The following BRWD1 variants were observed in gnomAD, a reference collection of about 807,000 sequenced individuals.
BRWD1 encodes bromodomain and WD repeat-containing protein 1.
In BRWD1, 82 loss-of-function variants were observed where a neutral mutation model predicts 251.2. That is an observed-to-expected ratio of 0.33 (90% CI 0.27 to 0.39). BRWD1 has a LOEUF of 0.39. Among genes scored for constraint, BRWD1 ranks in the 10% least tolerant of loss-of-function variants. The probability of loss-of-function intolerance (pLI) is 1.00; values close to 1 mark genes in which losing one functional copy is unlikely to be tolerated. For missense variants in BRWD1, 2,233 were observed against 2,711.6 expected, an observed-to-expected ratio of 0.82 and a Z score of 3.92; for synonymous variants, 918 against 902.8, an observed-to-expected ratio of 1.02 and a Z score of -0.30.
chr21:39,308,889 G>A (rs1426957461), intron 4 of BRWD1, among the ~76,000 whole-genome samples: 1 of 152,106 alleles, frequency 6.6e-6, no homozygotes, highest in Non-Finnish European at 1.5e-5. Flanking sequence ...GATAATCAGG[G>A]AAGGGGCAGG....
chr21:39,315,213 A>T (rs980218165), upstream of BRWD1, among the ~76,000 whole-genome samples: 18 of 150,794 alleles, frequency 1.2e-4, no homozygotes, highest in Non-Finnish European at 7.4e-5. Context: ...CATGTTGGCC[A>T]GGCTGGTCTC....
At chr21:39,248,641 CAAAAAAAAAAA>C (rs375430016) in intron 20 of BRWD1, among the ~76,000 whole-genome samples, 3 of 83,298 alleles carry the variant, frequency 3.6e-5, no homozygotes, top group South Asian at 4.2e-4. Flanking sequence ...CCCTATCTCC[CAAAAAAAAAAA>C]AAAAAAAAAA....
rs371514810 is a variant in BRWD1 at position 39,208,489 on chromosome 21, T to C, written c.4197+1506A>G. Among the ~76,000 whole-genome samples the C allele has an allele frequency of 4.6e-5, 7 of 152,338 alleles. No individual in the cohort carries two copies. The South Asian group carries it at 1.0e-3, about 23-fold the overall frequency. ...AAGCAAAACAGTTAAATGTCACTGA[T>C]TGTAGACACCAAAAAATGTTGTAAG... On this transcript the variant is annotated intron_variant, in intron 36 of 40. Transcript: ENST00000342449.
rs1347323096 is a variant in BRWD1 at position 39,196,506 on chromosome 21, A to C, written c.6563T>G (p.Val2188Gly). 1 of 1,613,548 alleles carries C rather than the reference A, an allele frequency of 6.2e-7. No homozygotes were observed. The highest frequency in any genetic ancestry group is 1.6e-4 in the Middle Eastern group (1 of 6,062). Residue 2188 changes from valine (V) to glycine (G), a missense_variant, in exon 41 of 41, where the codon GTT becomes GGT. Val to Gly is a moderately radical substitution (Grantham distance 109). Around this residue, in one of 12 missense-constraint regions of BRWD1, gnomAD observed 928 missense variants for 970.0 expected, o/e 0.96. Coordinates refer to ENST00000342449, the MANE Select transcript of BRWD1 (RefSeq NM_033656.4). Reference sequence around the variant, plus strand: ...AGCTGTAAAAGTTTTACCTTTTCTAACTACTTTTGCTTTTCCTTTCGTTTT... The same window carrying C: ...AGCTGTAAAAGTTTTACCTTTTCTACCTACTTTTGCTTTTCCTTTCGTTTT... ...RRKTKGKAKV[V>G]RKGKTFTANI...
intron 5 of BRWD1, chr21:39,296,885 G>C (rs1324180284): frequency 4.7e-5 from 46 of 982,876 alleles, no homozygotes; most frequent in Non-Finnish European, 5.1e-5. Flanking sequence ...GCTTTTATAA[G>C]GAAAAAGTTC....
At chr21:39,314,531 C>T (rs1405952580), upstream of BRWD1, 4 of 352,372 alleles carry the variant, frequency 1.1e-5, no homozygotes, top group Middle Eastern at 6.1e-4. Context: ...TCTTGGAAGA[C>T]TAGTAGGATG....
In BRWD1 at chr21:39,193,378, A is replaced by G. The variant is rs1190655858; in HGVS notation, c.*2881T>C. On this transcript the variant is annotated 3_prime_UTR_variant, in exon 41 of 41. Coordinates refer to ENST00000342449, the MANE Select transcript of BRWD1 (RefSeq NM_033656.4). ...ATGGGATAAACTTTTCCTTTTATTCATAAGTTACTTCACATTGTAAGTATA... is the reference window on the plus strand; with the variant it reads ...ATGGGATAAACTTTTCCTTTTATTCGTAAGTTACTTCACATTGTAAGTATA... The G allele has an allele frequency of 6.1e-6, 6 of 984,822 alleles. No individual in the cohort carries two copies. Among genetic ancestry groups the G allele is most frequent in the South Asian group, 4.7e-5 (1 of 21,290 alleles). 61.0% of individuals were successfully genotyped at this position (984,822 alleles called of 1,614,324 possible).
Position 39,195,796 on chromosome 21 carries a change from T to G in BRWD1, c.*463A>C, listed in dbSNP as rs780364705. The G allele has an allele frequency of 2.0e-6, 2 of 985,972 alleles. No individual in the cohort carries two copies. The highest frequency in any genetic ancestry group is 2.4e-6 in the Non-Finnish European group (2 of 830,276). The allele number at this position is 985,972 out of a possible 1,614,324, so 61.1% of individuals were successfully genotyped here. On this transcript the variant is annotated 3_prime_UTR_variant, in exon 41 of 41. Coordinates refer to ENST00000342449, the MANE Select transcript of BRWD1 (RefSeq NM_033656.4). ...CTACTAATCATGGTTACACCTCCCA[T>G]GATTATAGTGTCAGTATGCATGTAT...
At chr21:39,227,994 A>T (rs915250674) in intron 27 of BRWD1, among the ~76,000 whole-genome samples, 1 of 152,198 alleles carries the variant, frequency 6.6e-6, no homozygotes, top group African/African-American at 2.4e-5. Flanking sequence ...CGTCTAAAAA[A>T]GTCTACATAA....
At chr21:39,259,757 A>G (rs906786132) in intron 17 of BRWD1, among the ~76,000 whole-genome samples, 2 of 152,154 alleles carry the variant, frequency 1.3e-5, no homozygotes, top group Non-Finnish European at 2.9e-5. Flanking sequence ...GAATTGCCTG[A>G]ACCCAGGAGG....
chr21:39,213,677 T>C, intron 32 of BRWD1, 124 bp from the exon 33 acceptor site: 2 of 574,548 alleles, frequency 3.5e-6, no homozygotes, highest in East Asian at 3.1e-5. Flanking sequence ...AACAGAGGAA[T>C]ATCAGGTTTT....
chr21:39,236,516 A>T, intron 23 of BRWD1, 79 bp downstream of exon 23: 2 of 1,280,762 alleles, frequency 1.6e-6, no homozygotes, highest in South Asian at 1.5e-5. Context: ...TATCACGAGA[A>T]ATGTTAAAAC....
Position 39,202,410 on chromosome 21 carries a change from A to G in BRWD1, c.4500T>C (p.Val1500=), listed in dbSNP as rs757339939. 6.2e-7 allele frequency: 1 copy of G among 1,614,114 alleles called. No individual in the cohort carries two copies. The highest frequency in any genetic ancestry group is 8.5e-7 in the Non-Finnish European group (1 of 1,179,982). Reference sequence around the variant, plus strand: ...CTGAATCTGAAGAGTCACCAGAAGTAACACCTGAAGAGATACCAGCACTTG... The same window carrying G: ...CTGAATCTGAAGAGTCACCAGAAGTGACACCTGAAGAGATACCAGCACTTG... ...HKTSAGISSG[V]TSGDSSDSAE... is the part of the protein sequence containing the mutation. The change falls in exon 38 of 41, where the codon GTT becomes GTC. Residue 1500 remains valine, a synonymous_variant. Coordinates refer to ENST00000342449, the MANE Select transcript of BRWD1 (RefSeq NM_033656.4).
At chr21:39,292,291 G>C (rs1029131938) in intron 8 of BRWD1, among the ~76,000 whole-genome samples, 1 of 152,112 alleles carries the variant, frequency 6.6e-6, no homozygotes, top group Non-Finnish European at 1.5e-5. Flanking sequence ...AATAAATCTT[G>C]TCTGGGAAGT....
At chr21:39,221,154 T>TA (rs35879682) in intron 29 of BRWD1, among the ~76,000 whole-genome samples, 19,613 of 109,658 alleles carry the variant, frequency 0.18, 1,869 homozygotes, top group Middle Eastern at 0.28. Context: ...AACTACATCT[T>TA]AAAAAAAAAA....
intron 8 of BRWD1, among the ~76,000 whole-genome samples, chr21:39,291,130 G>A (rs1039691100): frequency 1.3e-5 from 2 of 152,158 alleles, no homozygotes; most frequent in Admixed American, 6.6e-5. Context: ...AACAAAAACC[G>A]CTATCTCAGT....
chr21:39,318,900 T>C (rs2036723231), intron 1 of BRWD1, among the ~76,000 whole-genome samples: 1 of 152,150 alleles, frequency 6.6e-6, no homozygotes, highest in Non-Finnish European at 1.5e-5. Context: ...TTGGATAAAT[T>C]CCCTAGGAAG....
At chr21:39,309,252 C>T (rs2036388611) in intron 4 of BRWD1, among the ~76,000 whole-genome samples, 1 of 150,862 alleles carries the variant, frequency 6.6e-6, no homozygotes, top group South Asian at 2.1e-4. Context: ...CATTTGAGAC[C>T]AGCCTGGACA....
At position 39,187,567 on chromosome 21, in the gene BRWD1, G is replaced by A; in HGVS notation, c.*8692C>T. 1 of 1,385,952 alleles carries A rather than the reference G, an allele frequency of 7.2e-7. No homozygotes were observed. The highest frequency in any genetic ancestry group is 9.3e-7 in the Non-Finnish European group (1 of 1,076,342). The allele number at this position is 1,385,952 out of a possible 1,614,324, so 85.9% of individuals were successfully genotyped here. Reference sequence around the variant, plus strand: ...TAAATTTTAAAATGTGATACTAAGGGCTTCTTCACATTGATATAACCTTAC... The same window carrying A: ...TAAATTTTAAAATGTGATACTAAGGACTTCTTCACATTGATATAACCTTAC... On this transcript the variant is annotated 3_prime_UTR_variant, in exon 41 of 41. Coordinates refer to ENST00000342449, the MANE Select transcript of BRWD1 (RefSeq NM_033656.4).
Sources: gnomAD v4.1 joint callset for allele counts (sites outside exome capture counted in the v4.1 genomes callset) on GRCh38, gnomAD v4.1.1 for gene constraint, gnomAD v4.1.1 regional missense constraint, MANE v1.5 for transcripts, NCBI Gene and HGNC (gene_info 2026-07-23, HGNC 2026-07-21) for gene names.